Variants in TESK2 observed in about 807,000 individuals in gnomAD.
TESK2 encodes testis associated actin remodelling kinase 2.
In TESK2, 39 loss-of-function variants were observed where a neutral mutation model predicts 57.1. The observed-to-expected ratio is 0.68, with a 90% CI of 0.53 to 0.89. The LOEUF is 0.89. Among genes scored for constraint, TESK2 ranks in the 40% least tolerant of loss-of-function variants. The pLI, the probability that TESK2 is intolerant of heterozygous loss-of-function variation, is 0.00. For synonymous variants in TESK2, 249 were observed against 267.9 expected (o/e 0.93, Z 0.69); for missense variants, 646 against 732.1 (o/e 0.88, Z 1.36).
chr1:45,432,391 T>A (rs557258744), intron 2 of TESK2, among the ~76,000 whole-genome samples: 1 of 151,642 alleles, frequency 6.6e-6, no homozygotes, highest in South Asian at 2.1e-4. Flanking sequence ...TCTACCTACT[T>A]AGAAATATAC....
chr1:45,475,991 T>C (rs1384023232), intron 1 of TESK2, among the ~76,000 whole-genome samples: 3 of 152,224 alleles, frequency 2.0e-5, no homozygotes, highest in Non-Finnish European at 4.4e-5. Flanking sequence ...TTTGAGGTTT[T>C]AGAACTTGGA....
intron 3 of TESK2, among the ~76,000 whole-genome samples, chr1:45,406,403 TG>T (rs1418424756): frequency 1.3e-5 from 2 of 152,072 alleles, no homozygotes; most frequent in Non-Finnish European, 1.5e-5. Flanking sequence ...CCCAGCACTT[TG>T]GGAGGCTGAA....
In TESK2 at chr1:45,356,916, G is replaced by A. The variant is rs111783010; in HGVS notation, c.394-1467C>T. Among the ~76,000 whole-genome samples, 1,137 of 152,112 alleles carry A rather than the reference G, an allele frequency of 7.5e-3. 16 individuals carry two copies. Among genetic ancestry groups the A allele is most frequent in the African/African-American group, 0.026 (1,058 of 41,490 alleles). On this transcript the variant is annotated intron_variant, in intron 4 of 10. Transcript: ENST00000372086. ...ATTCTAAATGTTCAGAAGGACGGCCGGGCGCAATGGCTCATGCCTGTAATC... is the reference window on the plus strand; with the variant it reads ...ATTCTAAATGTTCAGAAGGACGGCCAGGCGCAATGGCTCATGCCTGTAATC...
chr1:45,487,071 C>T (rs1248905975), intron 1 of TESK2, among the ~76,000 whole-genome samples: 1 of 151,962 alleles, frequency 6.6e-6, no homozygotes, highest in African/African-American at 2.4e-5. Context: ...TCAAGTGATC[C>T]ACCCGCCTTG....
chr1:45,367,298 C>A (rs1415743575), intron 4 of TESK2, among the ~76,000 whole-genome samples: 2 of 152,104 alleles, frequency 1.3e-5, no homozygotes, highest in Non-Finnish European at 2.9e-5. Context: ...GCATACACAG[C>A]TGAAAGAAGG....
chr1:45,475,049 G>A (rs1439549548), intron 1 of TESK2, among the ~76,000 whole-genome samples: 1 of 127,614 alleles, frequency 7.8e-6, no homozygotes, highest in African/African-American at 3.1e-5. Context: ...TGGCAACAGA[G>A]CAAGACTCTA....
Position 45,457,856 on chromosome 1 carries a change from CT to C in TESK2, c.-72del. 7.1e-7 allele frequency: 1 copy of C among 1,400,332 alleles called. No homozygotes were observed. The highest frequency in any genetic ancestry group is 9.9e-7 in the Non-Finnish European group (1 of 1,005,548). 86.7% of individuals were successfully genotyped at this position (1,400,332 alleles called of 1,614,324 possible). On this transcript the variant is annotated 5_prime_UTR_variant, in exon 2 of 11. It removes the in-frame stop codon of an upstream open reading frame in the 5' UTR. Transcript: ENST00000372086. Reference sequence around the variant, plus strand: ...CATAAATTTTTGTTGAATTTTACTTCTCTTCTGGTTTGACACTAAAGAGATC... The same window carrying C: ...CATAAATTTTTGTTGAATTTTACTTCCTTCTGGTTTGACACTAAAGAGATC...
At chr1:45,453,847 A>G (rs1466219364) in intron 2 of TESK2, among the ~76,000 whole-genome samples, 1 of 152,142 alleles carries the variant, frequency 6.6e-6, no homozygotes, top group Non-Finnish European at 1.5e-5. Context: ...CAATTCAAAA[A>G]TGAGCAAAGG....
intron 4 of TESK2, among the ~76,000 whole-genome samples, chr1:45,382,059 T>G (rs1648682086): frequency 1.3e-5 from 2 of 151,336 alleles, no homozygotes; most frequent in South Asian, 4.2e-4. Flanking sequence ...TTTTGTAGAG[T>G]CTGGGTCTCA....
chr1:45,374,754 A>G (rs1031426363), intron 4 of TESK2, among the ~76,000 whole-genome samples: 6 of 152,202 alleles, frequency 3.9e-5, no homozygotes, highest in Non-Finnish European at 7.3e-5. Context: ...TCGAATGTCC[A>G]ATAAATATCT....
At chr1:45,408,319 C>CT (rs1338913635) in intron 3 of TESK2, among the ~76,000 whole-genome samples, 2 of 152,154 alleles carry the variant, frequency 1.3e-5, no homozygotes, top group East Asian at 1.9e-4. Context: ...ATTGCTCTAG[C>CT]TTTTTTGTAT....
At chr1:45,467,354 T>C (rs1394319106) in intron 1 of TESK2, among the ~76,000 whole-genome samples, 1 of 151,462 alleles carries the variant, frequency 6.6e-6, no homozygotes, top group Admixed American at 6.6e-5. Flanking sequence ...GGTTTGTTGT[T>C]TTTTTTTTAA....
In TESK2 at chr1:45,416,072, C is replaced by CTTTT. The variant is rs34785518; in HGVS notation, c.344+5649_344+5652dup. Among the ~76,000 whole-genome samples the CTTTT allele has an allele frequency of 5.2e-3, 311 of 59,302 alleles. 95 individuals are homozygous for CTTTT. The highest frequency in any genetic ancestry group is 6.5e-3 in the Non-Finnish European group (239 of 36,794). The allele number at this position is 59,302 out of a possible 152,430, so 38.9% of individuals were successfully genotyped here. A position where few individuals can be genotyped will look rare whatever the true frequency, so the allele number is the denominator to read the frequency against. ...AGATTGGACACCTCTAATCTAGAGCCTTTTTTTTTTTTTTTTTTTTTTTTT... is the reference window on the plus strand; with the variant it reads ...AGATTGGACACCTCTAATCTAGAGCCTTTTTTTTTTTTTTTTTTTTTTTTTTTTT... On this transcript the variant is annotated intron_variant, in intron 3 of 10. Coordinates refer to ENST00000372086, the MANE Select transcript of TESK2 (RefSeq NM_007170.3).
At chr1:45,440,207 C>T (rs1049600770) in intron 2 of TESK2, among the ~76,000 whole-genome samples, 2 of 151,974 alleles carry the variant, frequency 1.3e-5, no homozygotes, top group African/African-American at 4.8e-5. Flanking sequence ...CCGCCTCTGC[C>T]TCCCAAAGTG....
rs1651882489 is a variant in TESK2, at chr1:45,451,815, C to T, written c.222+5749G>A. ...TTGGGAGGCCGAGGCAGGCAGATCA[C>T]CTGAGGTCAGGAGTTCAAGACCAGC... On this transcript the variant is annotated intron_variant, in intron 2 of 10. Transcript: ENST00000372086. Among the ~76,000 whole-genome samples, 2 of 151,956 alleles carry T rather than the reference C, an allele frequency of 1.3e-5. 1 individual carries two copies. The highest frequency in any genetic ancestry group is 4.1e-4 in the South Asian group (2 of 4,826).
At chr1:45,405,204 T>C (rs1649791293) in intron 3 of TESK2, among the ~76,000 whole-genome samples, 2 of 152,032 alleles carry the variant, frequency 1.3e-5, no homozygotes, top group Non-Finnish European at 2.9e-5. Flanking sequence ...GGCACAACCA[T>C]CCTGAATCTC....
chr1:45,384,613 T>TATTTTA (rs1553147554), intron 4 of TESK2, among the ~76,000 whole-genome samples: 1 of 135,490 alleles, frequency 7.4e-6, no homozygotes, highest in Non-Finnish European at 1.6e-5. Context: ...TTTTTTTTTT[T>TATTTTA]TTTTTTTTTT....
At chr1:45,474,075 G>A (rs866720357) in intron 1 of TESK2, among the ~76,000 whole-genome samples, 6 of 152,000 alleles carry the variant, frequency 3.9e-5, no homozygotes, top group East Asian at 1.9e-4. Flanking sequence ...TTGGCCAAGC[G>A]CAGTGGCTCA....
In TESK2 at chr1:45,465,414, A is replaced by AAG. The variant is rs35969225; in HGVS notation, c.-86-7545_-86-7544dup. 2.1e-3 allele frequency among the ~76,000 whole-genome samples: 289 copies of AAG among 140,278 alleles called. 8 individuals carry two copies. In the South Asian group the frequency reaches 0.046, roughly 22 times the overall value. The allele number at this position is 140,278 out of a possible 152,430, so 92.0% of individuals were successfully genotyped here. A position where few individuals can be genotyped will look rare whatever the true frequency, so the allele number is the denominator to read the frequency against. On this transcript the variant is annotated intron_variant, in intron 1 of 10. Transcript: ENST00000372086. Reference sequence around the variant, plus strand: ...TGACAGAGTGAGACTCCAAAAAAGAAAGAGAGAGAGAGAGAGAGAGAGAAA... The same window carrying AAG: ...TGACAGAGTGAGACTCCAAAAAAGAAAGAGAGAGAGAGAGAGAGAGAGAGAAA...
Sources: allele counts gnomAD v4.1 joint callset (sites outside exome capture counted in the v4.1 genomes callset), GRCh38; gene constraint gnomAD v4.1.1; transcripts MANE v1.5; gene names NCBI Gene and HGNC (gene_info 2026-07-23, HGNC 2026-07-21).